Variants in EEFSEC observed in about 807,000 individuals in gnomAD.
The protein encoded by EEFSEC is selenocysteine-specific elongation factor.
A neutral mutation model predicts 42.1 loss-of-function variants in EEFSEC; 43 were observed. That is an observed-to-expected ratio of 1.02 (90% CI 0.80 to 1.32). The LOEUF is 1.32. Ranked by LOEUF, EEFSEC falls within the 40% of genes most tolerant of loss-of-function variation. EEFSEC has a pLI of 0.00. For missense variants in EEFSEC, 745 were observed against 803.6 expected (o/e 0.93, Z 0.88); for synonymous variants, 354 against 339.1 (o/e 1.04, Z -0.48).
At chr3:128,216,218 CAA>C (rs761018069) in intron 1 of EEFSEC, among the ~76,000 whole-genome samples, 2 of 152,162 alleles carry the variant, frequency 1.3e-5, no homozygotes, top group Non-Finnish European at 1.5e-5. Context: ...TGAAACACTG[CAA>C]AAGTTATACA....
chr3:128,318,159 C>T (rs1408576854), intron 4 of EEFSEC, among the ~76,000 whole-genome samples: 2 of 152,244 alleles, frequency 1.3e-5, no homozygotes. Context: ...CTGCATGAAG[C>T]TTGCATGGCG....
At chr3:128,163,983 G>A (rs1436839921) in intron 1 of EEFSEC, among the ~76,000 whole-genome samples, 2 of 151,794 alleles carry the variant, frequency 1.3e-5, no homozygotes, top group East Asian at 1.9e-4. Flanking sequence ...TCTACTTGTG[G>A]TAAAGTATAA....
rs188251419 is a variant in EEFSEC at position 128,275,357 on chromosome 3, G to A, written c.786+10576G>A. Among the ~76,000 whole-genome samples the A allele has an allele frequency of 1.1e-3, 170 of 152,348 alleles. No individual in the cohort carries two copies. The South Asian group carries it at 0.016, about 14-fold the overall frequency. On this transcript the variant is annotated intron_variant, in intron 4 of 6. Coordinates refer to ENST00000254730, the MANE Select transcript of EEFSEC (RefSeq NM_021937.5). ...CTGTCTGAAGACCACTGCCTTTCTA[G>A]GTTGGAAGCAAGCTCTGATTCAGAT...
chr3:128,161,131 C>T (rs2107760828), intron 1 of EEFSEC, among the ~76,000 whole-genome samples: 1 of 152,288 alleles, frequency 6.6e-6, no homozygotes, highest in South Asian at 2.1e-4. Flanking sequence ...CGCTGGCATT[C>T]TCAGTGTGAA....
intron 5 of EEFSEC, among the ~76,000 whole-genome samples, chr3:128,345,048 A>T (rs149484657): frequency 6.6e-6 from 1 of 152,166 alleles, no homozygotes; most frequent in Non-Finnish European, 1.5e-5. Context: ...GACTGGTCCA[A>T]TGTGCAAGCC....
At chr3:128,271,300 G>A (rs1010174859) in intron 4 of EEFSEC, among the ~76,000 whole-genome samples, 1 of 152,240 alleles carries the variant, frequency 6.6e-6, no homozygotes, top group Admixed American at 6.5e-5. Context: ...GCCCGAGGCT[G>A]CAGAGCTGGC....
At chr3:128,218,299 A>G (rs1028764971) in intron 1 of EEFSEC, among the ~76,000 whole-genome samples, 1 of 152,222 alleles carries the variant, frequency 6.6e-6, no homozygotes, top group African/African-American at 2.4e-5. Flanking sequence ...TACTCCGGAA[A>G]CAGCTGGTAA....
intron 1 of EEFSEC, among the ~76,000 whole-genome samples, chr3:128,204,687 AGCAGCAGGATGTGTGTTG>A (rs1553742305): frequency 6.6e-6 from 1 of 152,120 alleles, no homozygotes; most frequent in Non-Finnish European, 1.5e-5. Context: ...GTGCCTGGAC[AGCAGCAGGATGTGTGTTG>A]GTTCCCTCCT....
At chr3:128,397,783 C>T (rs1216019678) in intron 6 of EEFSEC, among the ~76,000 whole-genome samples, 1 of 152,276 alleles carries the variant, frequency 6.6e-6, no homozygotes, top group Non-Finnish European at 1.5e-5. Context: ...GGCATCCACC[C>T]AGCTGCTCTG....
In EEFSEC at chr3:128,177,161, A is replaced by C. The variant is rs145039449; in HGVS notation, c.316+23338A>C. 1.1e-4 allele frequency among the ~76,000 whole-genome samples: 16 copies of C among 152,008 alleles called. No homozygotes were observed. The East Asian group carries it at 3.1e-3, about 29-fold the overall frequency. On this transcript the variant is annotated intron_variant, in intron 1 of 6. Coordinates refer to ENST00000254730, the MANE Select transcript of EEFSEC (RefSeq NM_021937.5). Reference sequence around the variant, plus strand: ...ACAGGCCGTACTGGATTATTGATTCAATGTTGTGGGGAGGCTTATAAGTGA... The same window carrying C: ...ACAGGCCGTACTGGATTATTGATTCCATGTTGTGGGGAGGCTTATAAGTGA...
At chr3:128,242,766 G>T (rs1028737972) in intron 1 of EEFSEC, among the ~76,000 whole-genome samples, 1 of 152,088 alleles carries the variant, frequency 6.6e-6, no homozygotes, top group Non-Finnish European at 1.5e-5. Flanking sequence ...TAATTATTCT[G>T]CAAATCTTTT....
intron 4 of EEFSEC, among the ~76,000 whole-genome samples, chr3:128,295,976 C>G (rs1009759177): frequency 1.3e-5 from 2 of 152,106 alleles, no homozygotes; most frequent in African/African-American, 2.4e-5. Flanking sequence ...GACTGAGTGA[C>G]CTATAGGGCA....
Position 128,291,754 on chromosome 3 carries a change from C to G in EEFSEC, c.786+26973C>G, listed in dbSNP as rs143828324. On this transcript the variant is annotated intron_variant, in intron 4 of 6. Coordinates refer to ENST00000254730, the MANE Select transcript of EEFSEC (RefSeq NM_021937.5). ...CAGTTATGATATCTGGAAATAATTC[C>G]TTTCTACACTTTTTGCCTTTTTTCC... is the stretch of plus-strand genomic sequence containing the variant. Among the ~76,000 whole-genome samples, 14 of 152,268 alleles carry G rather than the reference C, an allele frequency of 9.2e-5. No individual in the cohort carries two copies. The East Asian group carries it at 2.7e-3, about 29-fold the overall frequency.
chr3:128,321,736 G>A (rs2067010128), intron 4 of EEFSEC, among the ~76,000 whole-genome samples: 1 of 152,226 alleles, frequency 6.6e-6, no homozygotes, highest in East Asian at 1.9e-4. Flanking sequence ...CCAGCACTGG[G>A]CTGCCTGCTG....
chr3:128,226,907 A>G (rs375997370), intron 1 of EEFSEC, among the ~76,000 whole-genome samples: 7 of 152,268 alleles, frequency 4.6e-5, no homozygotes, highest in Admixed American at 3.3e-4. Context: ...CATCTTGAGA[A>G]ATTAATAGTG....
At chr3:128,184,062 C>T (rs1440089534) in intron 1 of EEFSEC, among the ~76,000 whole-genome samples, 1 of 152,130 alleles carries the variant, frequency 6.6e-6, no homozygotes, top group South Asian at 2.1e-4. Context: ...GGAGAGGCAT[C>T]GAAGCCAAAC....
rs1255881241 is a variant in EEFSEC at position 128,246,832 on chromosome 3, C to T, written c.317-4C>T. ...CTTTCTAACCTTCTCTTCTCTTATTCCAGGGGCCCAGATCATTGATCTGAT... is the reference window on the plus strand; with the variant it reads ...CTTTCTAACCTTCTCTTCTCTTATTTCAGGGGCCCAGATCATTGATCTGAT... On this transcript the variant is annotated splice_region_variant and splice_polypyrimidine_tract_variant and intron_variant, in intron 1 of 6. Transcript: ENST00000254730. 1 of 1,613,372 alleles carries T rather than the reference C, an allele frequency of 6.2e-7. No individual in the cohort carries two copies. Among genetic ancestry groups the T allele is most frequent in the East Asian group, 2.2e-5 (1 of 44,898 alleles).
At chr3:128,415,243 T>C in the EEFSEC span, among the ~76,000 whole-genome samples, 1 of 151,860 alleles carries the variant, frequency 6.6e-6, no homozygotes, top group East Asian at 1.9e-4. Context: ...GGGATAGAGC[T>C]AGAGAAGAGA....
At chr3:128,281,462 T>G (rs1383344002) in intron 4 of EEFSEC, among the ~76,000 whole-genome samples, 1 of 152,194 alleles carries the variant, frequency 6.6e-6, no homozygotes, top group East Asian at 1.9e-4. Context: ...GAAACTTGAC[T>G]TTGTATGCAG....
Sources: gnomAD v4.1 joint callset for allele counts (sites outside exome capture counted in the v4.1 genomes callset) on GRCh38, gnomAD v4.1.1 for gene constraint, MANE v1.5 for transcripts, NCBI Gene and HGNC (gene_info 2026-07-23, HGNC 2026-07-21) for gene names.